The following CCNJL variants were observed in gnomAD, a reference collection of about 807,000 sequenced individuals.
CCNJL encodes cyclin J like, also known as cyclin-J-like protein.
CCNJL carries 33 observed loss-of-function variants against 33.4 expected under a neutral mutation model. That is an observed-to-expected ratio of 0.99 (90% CI 0.75 to 1.32). The LOEUF is 1.32. Among genes scored for constraint, CCNJL ranks in the 40% most tolerant of loss-of-function variants. CCNJL has a pLI of 0.00. For missense variants in CCNJL, 512 were observed against 499.7 expected (o/e 1.02, Z -0.23); for synonymous variants, 227 against 220.9 (o/e 1.03, Z -0.24).
At position 160,251,557 on chromosome 5, in the gene CCNJL, A is replaced by G. The variant is rs890154764; in HGVS notation, c.*1821T>C. The G allele has an allele frequency of 1.6e-4, 24 of 152,344 alleles. No individual in the cohort carries two copies. The highest frequency in any genetic ancestry group is 5.3e-4 in the African/African-American group (22 of 41,534). 9.4% of individuals were successfully genotyped at this position (152,344 alleles called of 1,614,324 possible). On this transcript the variant is annotated 3_prime_UTR_variant, in exon 6 of 6. Transcript: ENST00000257536. ...TCCCGAGGTCTTGCTGCTGCCCCCAATATTCCACCCTCTACCATAGGGAGA... is the reference window on the plus strand; with the variant it reads ...TCCCGAGGTCTTGCTGCTGCCCCCAGTATTCCACCCTCTACCATAGGGAGA...
rs373109137 is a variant in CCNJL, at chr5:160,261,964, AT to A, written c.281-2194del. On this transcript the variant is annotated intron_variant, in intron 3 of 5. Coordinates refer to ENST00000257536, the MANE Select transcript of CCNJL (RefSeq NM_001308173.3). ...AATGAATAGTCCTCTCAGGAAACAG[AT>A]ATTTTAGGCCATTTGAATTTTTCTC... Among the ~76,000 whole-genome samples the A allele has an allele frequency of 6.1e-3, 931 of 152,252 alleles. 10 individuals carry two copies. Among genetic ancestry groups the A allele is most frequent in the African/African-American group, 0.021 (883 of 41,540 alleles).
chr5:160,259,788 G>C lies in CCNJL; in HGVS notation c.281-17C>G. ...CGAACTTACCTGTCGGGGAGCAGGG[G>C]AAGCAGGGGTTACTGGAAGACATTT... is the stretch of plus-strand genomic sequence containing the variant. On this transcript the variant is annotated splice_polypyrimidine_tract_variant and intron_variant, in intron 3 of 5. Transcript: ENST00000257536. The C allele has an allele frequency of 6.3e-7, 1 of 1,586,264 alleles. No individual in the cohort carries two copies. Among genetic ancestry groups the C allele is most frequent in the Non-Finnish European group, 8.6e-7 (1 of 1,164,566 alleles).
intron 1 of CCNJL, among the ~76,000 whole-genome samples, chr5:160,322,955 C>T (rs1763489974): frequency 6.7e-6 from 1 of 149,452 alleles, no homozygotes; most frequent in African/African-American, 2.5e-5. Context: ...TCCCTCAAGG[C>T]CAGGCGCGGT....
intron 1 of CCNJL, among the ~76,000 whole-genome samples, chr5:160,335,883 C>A (rs868129499): frequency 3.9e-5 from 6 of 152,188 alleles, no homozygotes; most frequent in Admixed American, 2.0e-4. Flanking sequence ...TACACCCAGA[C>A]CCCTTGCTCT....
chr5:160,334,104 T>C (rs1359688305), intron 1 of CCNJL, among the ~76,000 whole-genome samples: 1 of 152,184 alleles, frequency 6.6e-6, no homozygotes, highest in Non-Finnish European at 1.5e-5. Context: ...CCAACAACAC[T>C]GTCTTGCCAG....
In CCNJL at chr5:160,251,245, G is replaced by A. The variant is rs1338054933; in HGVS notation, c.*2133C>T. 1 of 152,236 alleles carries A rather than the reference G, an allele frequency of 6.6e-6. No individual in the cohort carries two copies. Among genetic ancestry groups the A allele is most frequent in the Non-Finnish European group, 1.5e-5 (1 of 68,038 alleles). The allele number at this position is 152,236 out of a possible 1,614,324, so 9.4% of individuals were successfully genotyped here. On this transcript the variant is annotated 3_prime_UTR_variant, in exon 6 of 6. Coordinates refer to ENST00000257536, the MANE Select transcript of CCNJL (RefSeq NM_001308173.3). The stretch of plus-strand genomic sequence containing the variant: ...GACTGCTAACACAGAAATCATGCCT[G>A]AGTTTCCAGCCTGTGGGCCTGCCCT...
At chr5:160,297,654 C>CAAAAAAA (rs59634260) in intron 2 of CCNJL, among the ~76,000 whole-genome samples, 12 of 107,616 alleles carry the variant, frequency 1.1e-4, no homozygotes, top group Non-Finnish European at 1.4e-4. Context: ...TCTCTATTTA[C>CAAAAAAA]AAAAAAAAAA....
chr5:160,284,570 G>T (rs1353811983), intron 2 of CCNJL, among the ~76,000 whole-genome samples: 2 of 152,212 alleles, frequency 1.3e-5, no homozygotes, highest in Non-Finnish European at 2.9e-5. Context: ...TGCTCTGGGA[G>T]GCCCCATTGT....
chr5:160,287,213 A>C (rs1390194055), intron 2 of CCNJL, among the ~76,000 whole-genome samples: 1 of 152,234 alleles, frequency 6.6e-6, no homozygotes, highest in Non-Finnish European at 1.5e-5. Flanking sequence ...ACAGCAGCTC[A>C]GCAAGCCTAG....
chr5:160,280,215 C>T lies in CCNJL; in HGVS notation c.280+310G>A, dbSNP rs573698342. ...CAAATCTTGTCTGCCATATACTACC[C>T]GGGCAGCCCAAAACTGGCTTCGTCA... On this transcript the variant is annotated intron_variant, in intron 3 of 5. Coordinates refer to ENST00000257536, the MANE Select transcript of CCNJL (RefSeq NM_001308173.3). Among the ~76,000 whole-genome samples, 18 of 152,278 alleles carry T rather than the reference C, an allele frequency of 1.2e-4. No individual in the cohort carries two copies. The East Asian group carries it at 1.7e-3, about 15-fold the overall frequency.
intron 4 of CCNJL, among the ~76,000 whole-genome samples, chr5:160,256,300 T>C (rs940368288): frequency 1.3e-5 from 2 of 152,200 alleles, no homozygotes; most frequent in South Asian, 2.1e-4. Flanking sequence ...CTGCAAAACA[T>C]TTGTCCTTTC....
chr5:160,333,420 A>G (rs1242342706), intron 1 of CCNJL, among the ~76,000 whole-genome samples: 2 of 151,868 alleles, frequency 1.3e-5, no homozygotes, highest in African/African-American at 4.8e-5. Flanking sequence ...CACCGTGCCC[A>G]GCCCAAAAAT....
chr5:160,321,460 T>C (rs1183111818), intron 1 of CCNJL, among the ~76,000 whole-genome samples: 1 of 152,128 alleles, frequency 6.6e-6, no homozygotes, highest in Admixed American at 6.5e-5. Flanking sequence ...AGCCACCTTC[T>C]ATGAGGGGCT....
chr5:160,259,614 C>T lies in CCNJL; in HGVS notation c.438G>A (p.Thr146=), dbSNP rs577801147. 34 of 1,614,064 alleles carry T rather than the reference C, an allele frequency of 2.1e-5. No homozygotes were observed. Among genetic ancestry groups the T allele is most frequent in the South Asian group, 1.4e-4 (13 of 91,058 alleles). The change falls in exon 4 of 6, where the codon ACG becomes ACA. Residue 146 remains threonine, a synonymous_variant. Coordinates refer to ENST00000257536, the MANE Select transcript of CCNJL (RefSeq NM_001308173.3). ...GGTAGTAGTCCAGGAAGTGGGCAGG[C>T]GTGGGCAGGCAGAGGTTCCAGCTGA... The part of the protein sequence containing the change: ...EAFSWNLCLP[T]PAHFLDYYLL...
At chr5:160,289,874 G>A (rs192536714) in intron 2 of CCNJL, among the ~76,000 whole-genome samples, 16 of 152,298 alleles carry the variant, frequency 1.1e-4, no homozygotes, top group African/African-American at 3.4e-4. Context: ...AGACGTGCCC[G>A]GGAGTGCAGG....
At chr5:160,324,950 G>T (rs2113476539) in intron 1 of CCNJL, among the ~76,000 whole-genome samples, 1 of 152,288 alleles carries the variant, frequency 6.6e-6, no homozygotes, top group African/African-American at 2.4e-5. Flanking sequence ...TTCTCCCTTT[G>T]CAAGGGTATA....
At chr5:160,283,928 T>C (rs931524824) in intron 2 of CCNJL, among the ~76,000 whole-genome samples, 1 of 152,208 alleles carries the variant, frequency 6.6e-6, no homozygotes, top group African/African-American at 2.4e-5. Context: ...TCCAGTTCCA[T>C]CCATGTTGCA....
At chr5:160,304,975 G>A (rs1763045255) in intron 2 of CCNJL, among the ~76,000 whole-genome samples, 1 of 151,936 alleles carries the variant, frequency 6.6e-6, no homozygotes, top group Admixed American at 6.6e-5. Context: ...CACCACGCCC[G>A]GCTATTTTTT....
chr5:160,309,984 C>T (rs553148015), intron 2 of CCNJL, among the ~76,000 whole-genome samples: 209 of 152,202 alleles, frequency 1.4e-3, no homozygotes, highest in African/African-American at 4.6e-3. Context: ...TTTGAGCAGC[C>T]GAAGGAACAT....
Sources: gnomAD v4.1 joint callset for allele counts (sites outside exome capture counted in the v4.1 genomes callset) on GRCh38, gnomAD v4.1.1 for gene constraint, MANE v1.5 for transcripts, NCBI Gene and HGNC (gene_info 2026-07-23, HGNC 2026-07-21) for gene names.